CNTLN: variants seen among roughly 807,000 people sequenced by gnomAD.
CNTLN encodes the protein centlein, centrosomal protein.
In CNTLN, 212 loss-of-function variants were observed where a neutral mutation model predicts 180.0. The ratio of observed to expected loss-of-function variants is 1.18; its 90% CI spans 1.05 to 1.32. CNTLN has a LOEUF of 1.32. Among genes scored for constraint, CNTLN ranks in the 40% most tolerant of loss-of-function variants. The probability of loss-of-function intolerance (pLI) is 0.00; values close to 1 mark genes in which losing one functional copy is unlikely to be tolerated. For missense variants in CNTLN, 2,095 were observed against 1,610.9 expected (o/e 1.30, Z -5.14); for synonymous variants, 722 against 563.1 (o/e 1.28, Z -3.99).
At chr9:17,321,120 G>A (rs1819878712) in intron 8 of CNTLN, among the ~76,000 whole-genome samples, 1 of 151,922 alleles carries the variant, frequency 6.6e-6, no homozygotes, top group African/African-American at 2.4e-5. Flanking sequence ...TAAATATTCT[G>A]TCAGCTTGTA....
At chr9:17,196,747 G>C (rs185354278) in intron 2 of CNTLN, among the ~76,000 whole-genome samples, 1 of 151,706 alleles carries the variant, frequency 6.6e-6, no homozygotes, top group South Asian at 2.1e-4. Flanking sequence ...TAGTAGGTCT[G>C]TTTATCTATG....
At chr9:17,190,210 G>A (rs1821709789) in intron 2 of CNTLN, among the ~76,000 whole-genome samples, 1 of 149,950 alleles carries the variant, frequency 6.7e-6, no homozygotes, top group Admixed American at 6.7e-5. Context: ...TTTCTTCAGG[G>A]ATCACAGCCC....
chr9:17,364,378 C>CCCAT (rs1368328977), intron 12 of CNTLN, among the ~76,000 whole-genome samples: 2 of 152,008 alleles, frequency 1.3e-5, no homozygotes, highest in African/African-American at 2.4e-5. Flanking sequence ...TGCTATTGAA[C>CCCAT]CCATCCATTG....
chr9:17,136,268 T>C (rs1227057672), intron 1 of CNTLN, among the ~76,000 whole-genome samples: 1 of 152,214 alleles, frequency 6.6e-6, no homozygotes, highest in Non-Finnish European at 1.5e-5. Context: ...AGTCACTCTG[T>C]CTTCAACTTA....
At chr9:17,204,013 G>C (rs1159179200) in intron 2 of CNTLN, among the ~76,000 whole-genome samples, 1 of 152,140 alleles carries the variant, frequency 6.6e-6, no homozygotes, top group Non-Finnish European at 1.5e-5. Context: ...GCTCCATCAG[G>C]TCATTTATGT....
At chr9:17,462,283 C>G (rs1831500901) in intron 19 of CNTLN, among the ~76,000 whole-genome samples, 1 of 151,694 alleles carries the variant, frequency 6.6e-6, no homozygotes, top group South Asian at 2.1e-4. Flanking sequence ...GACAATTGGT[C>G]TACTACCTGT....
At chr9:17,225,063 G>C (rs1413126556) in intron 2 of CNTLN, among the ~76,000 whole-genome samples, 1 of 151,824 alleles carries the variant, frequency 6.6e-6, no homozygotes, top group Non-Finnish European at 1.5e-5. Context: ...TCCTGAAATA[G>C]GTTTTATAGA....
intron 1 of CNTLN, among the ~76,000 whole-genome samples, chr9:17,135,723 C>T (rs1227278579): frequency 6.6e-6 from 1 of 152,228 alleles, no homozygotes; most frequent in African/African-American, 2.4e-5. Context: ...CCCCCCAAGC[C>T]CAAGTTCTTG....
At chr9:17,342,862 G>T (rs781208800) in intron 12 of CNTLN, among the ~76,000 whole-genome samples, 22 of 152,324 alleles carry the variant, frequency 1.4e-4, no homozygotes, top group Non-Finnish European at 2.2e-4. Flanking sequence ...GCCCTGTCCT[G>T]CTAATCCCAG....
intron 18 of CNTLN, among the ~76,000 whole-genome samples, chr9:17,453,415 A>T (rs570973089): frequency 6.6e-6 from 1 of 152,120 alleles, no homozygotes; most frequent in Non-Finnish European, 1.5e-5. Context: ...TATTATATAA[A>T]CTCTACGCAC....
intron 5 of CNTLN, among the ~76,000 whole-genome samples, chr9:17,271,110 C>A (rs1440562062): frequency 1.3e-5 from 2 of 151,944 alleles, no homozygotes; most frequent in Non-Finnish European, 2.9e-5. Context: ...GCCACCACGC[C>A]CGGCTAATTT....
At chr9:17,423,678 T>C (rs1438113639) in intron 18 of CNTLN, among the ~76,000 whole-genome samples, 1 of 152,130 alleles carries the variant, frequency 6.6e-6, no homozygotes, top group Non-Finnish European at 1.5e-5. Flanking sequence ...CAGGACACTT[T>C]AGTTAGCTGG....
chr9:17,161,741 T>C (rs1819694694), intron 2 of CNTLN, among the ~76,000 whole-genome samples: 1 of 152,206 alleles, frequency 6.6e-6, no homozygotes, highest in South Asian at 2.1e-4. Flanking sequence ...TGTAGACTTA[T>C]CCAACAATGT....
chr9:17,213,573 T>A (rs962562765), intron 2 of CNTLN, among the ~76,000 whole-genome samples: 1 of 152,198 alleles, frequency 6.6e-6, no homozygotes, highest in Non-Finnish European at 1.5e-5. Flanking sequence ...CTCTTAGGTC[T>A]GCTTGGTGCA....
At chr9:17,383,821 G>A (rs372606348) in intron 13 of CNTLN, among the ~76,000 whole-genome samples, 5 of 152,022 alleles carry the variant, frequency 3.3e-5, no homozygotes, top group South Asian at 2.1e-4. Context: ...TGTATTTTTA[G>A]TAGAGATGGG....
chr9:17,479,624 T>A (rs1832532162), intron 23 of CNTLN, among the ~76,000 whole-genome samples: 1 of 152,176 alleles, frequency 6.6e-6, no homozygotes, highest in Non-Finnish European at 1.5e-5. Context: ...ACATTGTACA[T>A]ATAGTCAACA....
chr9:17,454,554 G>A (rs1466777184), intron 18 of CNTLN, among the ~76,000 whole-genome samples: 1 of 152,168 alleles, frequency 6.6e-6, no homozygotes, highest in Non-Finnish European at 1.5e-5. Flanking sequence ...ATGTATATAC[G>A]TGTTAAAGTT....
At chr9:17,448,754 A>G (rs1221444579) in intron 18 of CNTLN, among the ~76,000 whole-genome samples, 1 of 152,066 alleles carries the variant, frequency 6.6e-6, no homozygotes, top group African/African-American at 2.4e-5. Flanking sequence ...TTAAATTGGG[A>G]TGGATTCTTT....
intron 1 of CNTLN, among the ~76,000 whole-genome samples, chr9:17,139,482 G>A (rs560428733): frequency 1.3e-4 from 20 of 151,974 alleles, no homozygotes; most frequent in South Asian, 6.2e-4. Context: ...CCAACATGGC[G>A]AAACCCAGTC....
Sources: gnomAD v4.1 joint callset for allele counts (sites outside exome capture counted in the v4.1 genomes callset) on GRCh38, gnomAD v4.1.1 for gene constraint, MANE v1.5 for transcripts, NCBI Gene and HGNC (gene_info 2026-07-23, HGNC 2026-07-21) for gene names.